The following QSOX1 variants were observed in gnomAD, a reference collection of about 807,000 sequenced individuals.
QSOX1 encodes sulfhydryl oxidase 1.
A neutral mutation model predicts 76.1 loss-of-function variants in QSOX1; 40 were observed. That is an observed-to-expected ratio of 0.53 (90% CI 0.41 to 0.68). The LOEUF is 0.68. Ranked by LOEUF, QSOX1 falls within the 30% of genes least tolerant of loss-of-function variation. The pLI is 0.00. For synonymous variants in QSOX1, 392 were observed against 413.1 expected, an observed-to-expected ratio of 0.95 and a Z score of 0.62; for missense variants, 931 against 974.3, an observed-to-expected ratio of 0.96 and a Z score of 0.59.
At chr1:180,184,766 C>T (rs1663129609) in intron 7 of QSOX1, among the ~76,000 whole-genome samples, 1 of 152,084 alleles carries the variant, frequency 6.6e-6, no homozygotes, top group East Asian at 1.9e-4. Context: ...CAAGGGGATG[C>T]ACGAGACAGT....
chr1:180,189,569 C>G lies in QSOX1; in HGVS notation c.1035C>G (p.Pro345=), dbSNP rs766503224. Reference sequence around the variant, plus strand: ...CCCCACAGTATTTCCCTGGCCGGCCCTTAGTCCAGAACTTCCTGCACTCCG... The same window carrying G: ...CCCCACAGTATTTCCCTGGCCGGCCGTTAGTCCAGAACTTCCTGCACTCCG... ...AVLAKYFPGR[P]LVQNFLHSVN... The change falls in exon 9 of 12, where the codon CCC becomes CCG. Residue 345 remains proline (P), a synonymous_variant. Coordinates refer to ENST00000367602, the MANE Select transcript of QSOX1 (RefSeq NM_002826.5). 5 of 1,613,164 alleles carry G rather than the reference C, an allele frequency of 3.1e-6. No homozygotes were observed. In the South Asian group the frequency reaches 5.5e-5, roughly 18 times the overall value.
chr1:180,175,236 G>A, intron 2 of QSOX1, 85 bp from the exon 3 acceptor site: 1 of 1,254,026 alleles, frequency 8.0e-7, no homozygotes, highest in Non-Finnish European at 1.2e-6. Flanking sequence ...CATTGAATAA[G>A]TAGGCAGATT....
At chr1:180,176,112 A>G in intron 4 of QSOX1, 79 bp downstream of exon 4, 2 of 1,199,032 alleles carry the variant, frequency 1.7e-6, no homozygotes, top group Non-Finnish European at 2.4e-6. Context: ...TGGGAACAGC[A>G]GGGCGGGGAC....
chr1:180,186,361 C>G (rs1663171875), intron 8 of QSOX1, among the ~76,000 whole-genome samples, 179 bp downstream of exon 8: 1 of 152,262 alleles, frequency 6.6e-6, no homozygotes, highest in Non-Finnish European at 1.5e-5. Flanking sequence ...AGCCATACCC[C>G]ACACCAGCCC....
intron 11 of QSOX1, among the ~76,000 whole-genome samples, chr1:180,195,146 G>A (rs367567541): frequency 4.7e-5 from 7 of 149,596 alleles, no homozygotes; most frequent in Middle Eastern, 6.8e-3. Context: ...CCCCCACCCC[G>A]CCCCTGCCAC....
intron 1 of QSOX1, among the ~76,000 whole-genome samples, chr1:180,162,168 C>A (rs1408580540): frequency 1.3e-5 from 2 of 152,140 alleles, no homozygotes; most frequent in Non-Finnish European, 2.9e-5. Flanking sequence ...CTAGGAATAT[C>A]ATATAATTTT....
chr1:180,155,292 TC>T (rs1558181357), intron 1 of QSOX1, 120 bp downstream of exon 1: 13 of 943,688 alleles, frequency 1.4e-5, no homozygotes, highest in Non-Finnish European at 1.9e-5. Flanking sequence ...GCCCACCTCT[TC>T]CTCTCCGCGC....
intron 10 of QSOX1, among the ~76,000 whole-genome samples, chr1:180,192,653 T>A (rs1355443705): frequency 1.3e-5 from 2 of 152,076 alleles, no homozygotes; most frequent in Non-Finnish European, 2.9e-5. Context: ...TGGATGATGG[T>A]CCCATAAGCT....
Position 180,176,037 on chromosome 1 carries a change from C to T in QSOX1, c.515+4C>T. Reference sequence around the variant, plus strand: ...GTCCCCCACTGGAGCCTGCCAAGTACTTTGGGCTGGGGCAGGCTTAGTGCA... The same window carrying T: ...GTCCCCCACTGGAGCCTGCCAAGTATTTTGGGCTGGGGCAGGCTTAGTGCA... On this transcript the variant is annotated splice_donor_region_variant and intron_variant, in intron 4 of 11. Transcript: ENST00000367602. 6.3e-7 allele frequency: 1 copy of T among 1,581,768 alleles called. No individual in the cohort carries two copies. The highest frequency in any genetic ancestry group is 8.6e-7 in the Non-Finnish European group (1 of 1,163,600).
At chr1:180,162,941 A>G (rs1287136800) in intron 1 of QSOX1, among the ~76,000 whole-genome samples, 2 of 152,194 alleles carry the variant, frequency 1.3e-5, no homozygotes, top group Non-Finnish European at 2.9e-5. Context: ...GACCTAGTAA[A>G]GACAACATGA....
In QSOX1 at chr1:180,199,661, T is replaced by G. The variant is rs1462374919; in HGVS notation, c.*2624T>G. 1 of 152,054 alleles carries G rather than the reference T, an allele frequency of 6.6e-6. No homozygotes were observed. The highest frequency in any genetic ancestry group is 2.4e-5 in the African/African-American group (1 of 41,380). The allele number at this position is 152,054 out of a possible 1,614,324, so 9.4% of individuals were successfully genotyped here. A position where few individuals can be genotyped will look rare whatever the true frequency, so the allele number is the denominator to read the frequency against. On this transcript the variant is annotated 3_prime_UTR_variant, in exon 12 of 12. Transcript: ENST00000367602. The stretch of plus-strand genomic sequence containing the variant: ...AACTGAAGCTAAAACAGATACGTGG[T>G]CCCTGCTGCTATGGGGCTTCCGTTC...
chr1:180,179,068 C>T (rs578052155), intron 5 of QSOX1, among the ~76,000 whole-genome samples, 184 bp downstream of exon 5: 79 of 152,354 alleles, frequency 5.2e-4, no homozygotes, highest in Middle Eastern at 6.8e-3. Flanking sequence ...GTTTCAAAAC[C>T]TTGCTGTTTA....
chr1:180,186,384 G>C (rs1047167700), intron 8 of QSOX1, among the ~76,000 whole-genome samples: 5 of 152,232 alleles, frequency 3.3e-5, no homozygotes, highest in Admixed American at 2.0e-4. Flanking sequence ...CACTGCCAGG[G>C]ACAACCCTGC....
intron 7 of QSOX1, among the ~76,000 whole-genome samples, chr1:180,185,202 C>T (rs1663142670): frequency 6.6e-6 from 1 of 152,140 alleles, no homozygotes; most frequent in Non-Finnish European, 1.5e-5. Context: ...TTGGCTCTTT[C>T]CAACCTCAGG....
At chr1:180,169,377 G>C (rs938455456) in intron 2 of QSOX1, among the ~76,000 whole-genome samples, 1 of 152,250 alleles carries the variant, frequency 6.6e-6, no homozygotes, top group Non-Finnish European at 1.5e-5. Flanking sequence ...GGGTGGGGAA[G>C]GGCAGGTCTT....
intron 8 of QSOX1, among the ~76,000 whole-genome samples, chr1:180,186,561 C>A (rs1257440658): frequency 6.6e-6 from 1 of 152,236 alleles, no homozygotes; most frequent in Admixed American, 6.5e-5. Context: ...CCTAGGACAC[C>A]CTGGCGAAGG....
At chr1:180,182,513 C>T (rs932778462) in intron 6 of QSOX1, among the ~76,000 whole-genome samples, 194 bp downstream of exon 6, 1 of 152,184 alleles carries the variant, frequency 6.6e-6, no homozygotes, top group African/African-American at 2.4e-5. Flanking sequence ...AACGCTAACC[C>T]TGTTCCGCAG....
Position 180,198,192 on chromosome 1 carries a change from AC to A in QSOX1, c.*1159del. 1 of 456,376 alleles carries A rather than the reference AC, an allele frequency of 2.2e-6. No homozygotes were observed. Among genetic ancestry groups the A allele is most frequent in the African/African-American group, 2.0e-5 (1 of 50,068 alleles). 28.3% of individuals were successfully genotyped at this position (456,376 alleles called of 1,614,324 possible). ...TGCCCATAGAACTGTCTGCACCCAA[AC>A]CCCATGGCCTTTTCATGCACGGAGA... On this transcript the variant is annotated 3_prime_UTR_variant, in exon 12 of 12. Coordinates refer to ENST00000367602, the MANE Select transcript of QSOX1 (RefSeq NM_002826.5).
rs373837440 is a variant in QSOX1, at chr1:180,197,301, T to C, written c.*264T>C. The stretch of plus-strand genomic sequence containing the variant: ...AGTGGGCATAGGGCAGCTCAGTCCC[T>C]GGCCTCTTAGCACCACATTCCTGTT... On this transcript the variant is annotated 3_prime_UTR_variant, in exon 12 of 12. Transcript: ENST00000367602. The C allele has an allele frequency of 2.0e-5, 32 of 1,613,834 alleles. No individual in the cohort carries two copies. The highest frequency in any genetic ancestry group is 2.7e-5 in the African/African-American group (2 of 74,942).
Sources: allele counts gnomAD v4.1 joint callset (sites outside exome capture counted in the v4.1 genomes callset), GRCh38; gene constraint gnomAD v4.1.1; transcripts MANE v1.5; gene names NCBI Gene and HGNC (gene_info 2026-07-23, HGNC 2026-07-21).